The following CEP126 variants were observed in gnomAD, a reference collection of about 807,000 sequenced individuals.
CEP126 encodes centrosomal protein 126.
A neutral mutation model predicts 107.8 loss-of-function variants in CEP126; 74 were observed. The observed-to-expected ratio is 0.69, with a 90% CI of 0.57 to 0.83. CEP126 has a LOEUF of 0.83. CEP126 is among the 40% of genes least tolerant of loss of function. CEP126 has a pLI of 0.00. For synonymous variants in CEP126, 449 were observed against 446.0 expected, an observed-to-expected ratio of 1.01 and a Z score of -0.08; for missense variants, 1,237 against 1,281.9, an observed-to-expected ratio of 0.96 and a Z score of 0.53.
intron 2 of CEP126, among the ~76,000 whole-genome samples, chr11:101,927,871 G>T (rs1297319026): frequency 1.3e-5 from 2 of 152,132 alleles, no homozygotes; most frequent in African/African-American, 2.4e-5. Context: ...TTCACATACA[G>T]GTTTTTGTAT....
chr11:101,975,596 T>C (rs1941184386), intron 6 of CEP126, among the ~76,000 whole-genome samples: 1 of 152,228 alleles, frequency 6.6e-6, no homozygotes, highest in Non-Finnish European at 1.5e-5. Flanking sequence ...TCTTAACTTT[T>C]ATTTTCGGTT....
intron 6 of CEP126, among the ~76,000 whole-genome samples, chr11:101,977,722 G>A (rs1291026793): frequency 1.3e-5 from 2 of 151,128 alleles, no homozygotes; most frequent in East Asian, 3.9e-4. Flanking sequence ...CAAAGATATA[G>A]TAGAAGCCCT....
chr11:101,944,299 A>G lies in CEP126; in HGVS notation c.283A>G (p.Lys95Glu). 6.2e-7 allele frequency: 1 copy of G among 1,607,654 alleles called. No homozygotes were observed. The change falls in exon 3 of 11, where the codon AAA becomes GAA. Residue 95 changes from lysine to glutamate, a missense_variant. Around this residue, in one of 3 missense-constraint regions of CEP126, gnomAD observed 1,134 missense variants for 1,150.5 expected, o/e 0.99. Coordinates refer to ENST00000263468, the MANE Select transcript of CEP126 (RefSeq NM_020802.4). ...GGAGAAACGAAAAGAACAGGAAGAAAAAGAACACCAAATTAGAGAACAAAT... is the reference window on the plus strand; with the variant it reads ...GGAGAAACGAAAAGAACAGGAAGAAGAAGAACACCAAATTAGAGAACAAAT... The part of the protein sequence containing the change: ...FEEKRKEQEE[K>E]EHQIREQILQ...
intron 6 of CEP126, among the ~76,000 whole-genome samples, chr11:101,971,446 G>A (rs905586328): frequency 1.3e-5 from 2 of 152,192 alleles, no homozygotes; most frequent in Non-Finnish European, 2.9e-5. Flanking sequence ...AACTGAACTG[G>A]CAAATCAAAA....
At position 101,968,686 on chromosome 11, in the gene CEP126, A is replaced by G. The variant is rs1420935209; in HGVS notation, c.2845+4806A>G. On this transcript the variant is annotated intron_variant, in intron 6 of 10. Transcript: ENST00000263468. ...GTATAAGTTATGGGCTTTCTCATCT[A>G]AAAAGGAACAAAGATTGTTAAGGAA... Among the ~76,000 whole-genome samples, 6 of 152,186 alleles carry G rather than the reference A, an allele frequency of 3.9e-5. No homozygotes were observed. The East Asian group carries it at 1.2e-3, about 29-fold the overall frequency.
At chr11:101,995,796 A>C (rs1206446873) in intron 10 of CEP126, among the ~76,000 whole-genome samples, 1 of 152,238 alleles carries the variant, frequency 6.6e-6, no homozygotes, top group East Asian at 1.9e-4. Flanking sequence ...AAATACTTTC[A>C]TGTCTCTGAC....
At chr11:101,944,587 A>C (rs759523225) in intron 3 of CEP126, among the ~76,000 whole-genome samples, 177 bp downstream of exon 3, 1 of 152,206 alleles carries the variant, frequency 6.6e-6, no homozygotes, top group Non-Finnish European at 1.5e-5. Context: ...GGTTTAATTG[A>C]GAGAATATTG....
At position 101,935,740 on chromosome 11, in the gene CEP126, A is replaced by ATTTGACATTGACAACTATTGACAAT. The variant is rs1940568101; in HGVS notation, c.249-8525_249-8524insTTTGACATTGACAACTATTGACAAT. On this transcript the variant is annotated intron_variant, in intron 2 of 10. Transcript: ENST00000263468. ...CATTATAGCAGGAATTCTCAACAGCAGTACTATTGACATTGTGGATGAGAT... is the reference window on the plus strand; with the variant it reads ...CATTATAGCAGGAATTCTCAACAGCATTTGACATTGACAACTATTGACAATGTACTATTGACATTGTGGATGAGAT... Among the ~76,000 whole-genome samples, 3 of 152,144 alleles carry ATTTGACATTGACAACTATTGACAAT rather than the reference A, an allele frequency of 2.0e-5. No homozygotes were observed. The South Asian group carries it at 6.2e-4, about 31-fold the overall frequency.
chr11:101,973,616 A>G (rs373028567), intron 6 of CEP126, among the ~76,000 whole-genome samples: 2 of 152,210 alleles, frequency 1.3e-5, no homozygotes, highest in Non-Finnish European at 2.9e-5. Context: ...GCACACATCT[A>G]TCTGTGTAAC....
chr11:101,934,333 C>G (rs187783657), intron 2 of CEP126, among the ~76,000 whole-genome samples: 1 of 152,138 alleles, frequency 6.6e-6, no homozygotes, highest in East Asian at 1.9e-4. Flanking sequence ...TTCACGCATT[C>G]AATGGCACAT....
chr11:101,962,730 C>G lies in CEP126; in HGVS notation c.1695C>G (p.Asn565Lys). The stretch of plus-strand genomic sequence containing the variant: ...GCCAGCATAAGAAAATGAAATACAA[C>G]ATCCATGAGAGAAATGGTGTGAGAT... ...FVGQHKKMKYNIHERNGVRFL... is the reference protein window; with the variant it reads ...FVGQHKKMKYKIHERNGVRFL... The change falls in exon 6 of 11, where the codon AAC becomes AAG. Residue 565 changes from asparagine to lysine, a missense_variant. By Grantham distance (94) the Asn-to-Lys change is moderately conservative. Around this residue, in one of 3 missense-constraint regions of CEP126, gnomAD observed 1,134 missense variants for 1,150.5 expected, o/e 0.99. Transcript: ENST00000263468. 1 of 1,612,700 alleles carries G rather than the reference C, an allele frequency of 6.2e-7. No homozygotes were observed. Among genetic ancestry groups the G allele is most frequent in the Non-Finnish European group, 8.5e-7 (1 of 1,179,526 alleles).
chr11:101,990,829 G>A (rs894492577), intron 9 of CEP126, among the ~76,000 whole-genome samples: 3 of 152,030 alleles, frequency 2.0e-5, no homozygotes, highest in African/African-American at 7.3e-5. Context: ...GACTCTCCAA[G>A]ACCCCTGAAT....
Position 101,948,072 on chromosome 11 carries a change from C to G in CEP126, c.436C>G (p.Gln146Glu), listed in dbSNP as rs142141239. ...PVPPLEEALK[Q>E]IQESNLKSEV... ...TCCTCCATTAGAAGAGGCCCTCAAA[C>G]AAATTCAGGAATCCAACTTAAAATC... Residue 146 changes from glutamine to glutamate, a missense_variant, in exon 4 of 11, where the codon CAA (glutamine) becomes GAA (glutamate). By Grantham distance (29) the Gln-to-Glu change is conservative. This residue lies in a region of CEP126 where 1,134 missense variants were observed against 1,150.5 expected (regional missense o/e 0.99). Coordinates refer to ENST00000263468, the MANE Select transcript of CEP126 (RefSeq NM_020802.4). The G allele has an allele frequency of 2.0e-3, 3,246 of 1,611,840 alleles. 21 individuals are homozygous for G. The highest frequency in any genetic ancestry group is 0.012 in the South Asian group (1,052 of 90,754).
chr11:101,921,504 C>T (rs987209011), intron 1 of CEP126, among the ~76,000 whole-genome samples: 7 of 151,688 alleles, frequency 4.6e-5, no homozygotes, highest in Admixed American at 6.6e-5. Context: ...GTTAGGAGTT[C>T]GAGACCAGGC....
intron 10 of CEP126, 51 bp from the exon 11 acceptor site, chr11:101,997,548 G>A (rs1251623103): frequency 1.9e-6 from 3 of 1,613,152 alleles, no homozygotes; most frequent in African/African-American, 1.3e-5. Context: ...GTTTGTAGCT[G>A]CAGTGTTTTG....
At chr11:101,933,670 C>T (rs982610352) in intron 2 of CEP126, among the ~76,000 whole-genome samples, 1 of 152,068 alleles carries the variant, frequency 6.6e-6, no homozygotes, top group African/African-American at 2.4e-5. Context: ...TTGCCAGCAG[C>T]CTTCTCCAAA....
At chr11:101,994,182 C>G (rs567134548) in intron 10 of CEP126, among the ~76,000 whole-genome samples, 4 of 152,304 alleles carry the variant, frequency 2.6e-5, no homozygotes, top group Admixed American at 6.5e-5. Flanking sequence ...TTGCAGTGAG[C>G]CAAGATTGCA....
rs1184383760 is a variant in CEP126 at position 101,944,280 on chromosome 11, A to G, written c.264A>G (p.Lys88=). Residue 88 remains lysine (K), a synonymous_variant, in exon 3 of 11, where the codon AAA becomes AAG. Coordinates refer to ENST00000263468, the MANE Select transcript of CEP126 (RefSeq NM_020802.4). ...SNRRKKAFEE[K]RKEQEEKEHQ... The stretch of plus-strand genomic sequence containing the variant: ...TTAAATATAGAGCTTTTGAGGAGAA[A>G]CGAAAAGAACAGGAAGAAAAAGAAC... 3.8e-6 allele frequency: 6 copies of G among 1,594,926 alleles called. No individual in the cohort carries two copies. Among genetic ancestry groups the G allele is most frequent in the Non-Finnish European group, 5.1e-6 (6 of 1,174,492 alleles).
chr11:101,973,027 GA>G (rs1397663973), intron 6 of CEP126, among the ~76,000 whole-genome samples: 1 of 152,138 alleles, frequency 6.6e-6, no homozygotes, highest in Non-Finnish European at 1.5e-5. Flanking sequence ...TCAATTATAT[GA>G]ATGTTCAAAC....
Sources: allele counts gnomAD v4.1 joint callset (sites outside exome capture counted in the v4.1 genomes callset), GRCh38; gene constraint gnomAD v4.1.1; regional missense constraint gnomAD v4.1.1; transcripts MANE v1.5; gene names NCBI Gene and HGNC (gene_info 2026-07-23, HGNC 2026-07-21).